NSD2: variants seen among roughly 807,000 people sequenced by gnomAD.
NSD2 encodes the protein histone-lysine N-methyltransferase NSD2.
A neutral mutation model predicts 139.0 loss-of-function variants in NSD2; 12 were observed. The observed-to-expected ratio is 0.09, with a 90% CI of 0.06 to 0.14. The LOEUF (loss-of-function observed/expected upper bound fraction) is 0.14. Among genes scored for constraint, NSD2 ranks in the 10% least tolerant of loss-of-function variants. The pLI is 1.00. For synonymous variants in NSD2, 669 were observed against 648.7 expected, an observed-to-expected ratio of 1.03 and a Z score of -0.48; for missense variants, 1,155 against 1,745.0, an observed-to-expected ratio of 0.66 and a Z score of 6.02.
intron 20 of NSD2, chr4:1,975,662 G>A: frequency 2.4e-6 from 1 of 417,160 alleles, no homozygotes; most frequent in Non-Finnish European, 4.3e-6. Context: ...TGTGGGCAGG[G>A]CCGTGCGCCC....
intron 1 of NSD2, among the ~76,000 whole-genome samples, chr4:1,896,593 T>C (rs1268800606): frequency 2.6e-5 from 4 of 152,164 alleles, no homozygotes; most frequent in Non-Finnish European, 4.4e-5. Flanking sequence ...CTCAAACTGC[T>C]GGGTTCAAGC....
At chr4:1,906,625 T>C (rs532472984) in intron 3 of NSD2, among the ~76,000 whole-genome samples, 8 of 151,360 alleles carry the variant, frequency 5.3e-5, no homozygotes, top group Non-Finnish European at 7.4e-5. Flanking sequence ...CATTCAGATA[T>C]ACTGCCATTT....
At chr4:1,927,963 C>T (rs1404883245) in intron 5 of NSD2, among the ~76,000 whole-genome samples, 2 of 152,126 alleles carry the variant, frequency 1.3e-5, no homozygotes, top group African/African-American at 4.8e-5. Flanking sequence ...AATCATAGGT[C>T]ACTGCAGCCC....
intron 18 of NSD2, among the ~76,000 whole-genome samples, chr4:1,964,625 G>A (rs1341996776): frequency 2.7e-5 from 4 of 150,780 alleles, no homozygotes; most frequent in African/African-American, 9.7e-5. Flanking sequence ...ACAAAGAGGT[G>A]CGCTGCGCTG....
At chr4:1,889,765 C>A (rs562858823) in intron 1 of NSD2, among the ~76,000 whole-genome samples, 30 of 152,228 alleles carry the variant, frequency 2.0e-4, no homozygotes, top group Non-Finnish European at 3.8e-4. Flanking sequence ...CCTTGACCTC[C>A]CAAAGTGCTG....
intron 5 of NSD2, among the ~76,000 whole-genome samples, chr4:1,928,508 G>A (rs1407917189): frequency 6.6e-6 from 1 of 152,126 alleles, no homozygotes; most frequent in East Asian, 1.9e-4. Context: ...CGTGAAGCTC[G>A]GAGACGTTAA....
At chr4:1,943,032 C>G in intron 9 of NSD2, 1 of 1,050,360 alleles carries the variant, frequency 9.5e-7, no homozygotes, top group Non-Finnish European at 1.1e-6. Flanking sequence ...TGATCCAAGG[C>G]CCCGGACCAA....
At chr4:1,923,634 C>T (rs1225813655) in intron 5 of NSD2, among the ~76,000 whole-genome samples, 1 of 152,232 alleles carries the variant, frequency 6.6e-6, no homozygotes, top group Admixed American at 6.5e-5. Context: ...TCATTTATTA[C>T]ACCTGTTTTG....
chr4:1,883,477 C>T (rs1375839910), intron 1 of NSD2, among the ~76,000 whole-genome samples: 2 of 152,020 alleles, frequency 1.3e-5, no homozygotes, highest in African/African-American at 4.8e-5. Flanking sequence ...ACTAAAAATA[C>T]AAAAAATAGC....
rs143506366 is a variant in NSD2 at position 1,978,541 on chromosome 4, C to T, written c.3827-97C>T. The T allele has an allele frequency of 2.9e-4, 428 of 1,500,992 alleles. 5 individuals carry two copies. In the East Asian group the frequency reaches 9.7e-3, roughly 34 times the overall value. 93.0% of individuals were successfully genotyped at this position (1,500,992 alleles called of 1,614,324 possible). A position where few individuals can be genotyped will look rare whatever the true frequency, so the allele number is the denominator to read the frequency against. ...GCTGGAGCCAGCACTATTTTGTGTT[C>T]ATTTGACCTGACAGTTGTAAGTCAT... On this transcript the variant is annotated intron_variant, in intron 21 of 21. Coordinates refer to ENST00000508803, the MANE Select transcript of NSD2 (RefSeq NM_001042424.3).
At chr4:1,896,708 C>T (rs1560580563) in intron 1 of NSD2, among the ~76,000 whole-genome samples, 2 of 146,492 alleles carry the variant, frequency 1.4e-5, no homozygotes. Context: ...TTCCATTCCT[C>T]TCCTTCCTTC....
intron 2 of NSD2, among the ~76,000 whole-genome samples, chr4:1,903,003 G>A (rs1250156138): frequency 6.6e-6 from 1 of 151,982 alleles, no homozygotes; most frequent in Non-Finnish European, 1.5e-5. Flanking sequence ...AGCGAGACCC[G>A]GTCTCTATAA....
At chr4:1,977,226 T>G (rs1202805716) in intron 21 of NSD2, among the ~76,000 whole-genome samples, 1 of 152,180 alleles carries the variant, frequency 6.6e-6, no homozygotes, top group Non-Finnish European at 1.5e-5. Context: ...TGAGGGAAAG[T>G]AGAGTGGGCT....
chr4:1,964,874 A>T (rs1051561139), intron 18 of NSD2, among the ~76,000 whole-genome samples: 1 of 152,166 alleles, frequency 6.6e-6, no homozygotes, highest in African/African-American at 2.4e-5. Flanking sequence ...CTCAAAAAAG[A>T]TCTGGAAAGA....
rs757196421 is a variant in NSD2, at chr4:1,959,749, C to T, written c.3255+9C>T. On this transcript the variant is annotated intron_variant, in intron 17 of 21. Coordinates refer to ENST00000508803, the MANE Select transcript of NSD2 (RefSeq NM_001042424.3). ...AGAGGGACATCAGAAAGGTATGTGT[C>T]GTTATCCCCTCCCCTGCTTTTGAGA... 1.6e-5 allele frequency: 26 copies of T among 1,608,572 alleles called. No homozygotes were observed. The highest frequency in any genetic ancestry group is 5.0e-5 in the Admixed American group (3 of 59,906).
intron 3 of NSD2, among the ~76,000 whole-genome samples, chr4:1,911,527 G>T (rs1268054251): frequency 1.4e-5 from 2 of 146,630 alleles, no homozygotes; most frequent in African/African-American, 2.5e-5. Flanking sequence ...GACAGAGGTT[G>T]CAGTGACCCG....
intron 8 of NSD2, among the ~76,000 whole-genome samples, chr4:1,938,848 T>C (rs1354857147): frequency 6.6e-6 from 1 of 152,246 alleles, no homozygotes; most frequent in Non-Finnish European, 1.5e-5. Context: ...TCAGGTTTCT[T>C]ACTTGATGGT....
chr4:1,878,252 T>TATATATATATATATATATATATATATATA (rs869142339), intron 1 of NSD2, among the ~76,000 whole-genome samples: 1 of 27,610 alleles, frequency 3.6e-5, no homozygotes, highest in African/African-American at 1.7e-4. Context: ...TATATATATA[T>TATATATATATATATATATATATATATATA]TTTTTTTTTT....
rs958861657 is a variant in NSD2 at position 1,907,568 on chromosome 4, C to T, written c.760+3190C>T. 1.5e-4 allele frequency among the ~76,000 whole-genome samples: 22 copies of T among 150,496 alleles called. No homozygotes were observed. In the Middle Eastern group the frequency reaches 0.011, roughly 73 times the overall value. ...ACAGCACAGCAGACACCTATCCCCT[C>T]ATCTAGATTCTCCACCTTGAAACAT... On this transcript the variant is annotated intron_variant, in intron 3 of 21. Coordinates refer to ENST00000508803, the MANE Select transcript of NSD2 (RefSeq NM_001042424.3).
Sources: gnomAD v4.1 joint callset for allele counts (sites outside exome capture counted in the v4.1 genomes callset) on GRCh38, gnomAD v4.1.1 for gene constraint, MANE v1.5 for transcripts, NCBI Gene and HGNC (gene_info 2026-07-23, HGNC 2026-07-21) for gene names.